Variants in ACTG2 observed in about 807,000 individuals in gnomAD.
ACTG2 encodes actin gamma 2, smooth muscle, also known as actin, gamma-enteric smooth muscle.
In ACTG2, 16 loss-of-function variants were observed where a neutral mutation model predicts 37.6. The observed-to-expected ratio is 0.43, with a 90% CI of 0.29 to 0.65. ACTG2 has a LOEUF of 0.65. Among genes scored for constraint, ACTG2 ranks in the 30% least tolerant of loss-of-function variants. The probability of loss-of-function intolerance (pLI) is 0.18; values close to 1 mark genes in which losing one functional copy is unlikely to be tolerated. For synonymous variants in ACTG2, 181 were observed against 179.9 expected (o/e 1.01, Z -0.05); for missense variants, 238 against 490.9 (o/e 0.48, Z 4.87).
At chr2:73,906,464 A>AT (rs201172871) in intron 3 of ACTG2, among the ~76,000 whole-genome samples, 7,385 of 149,262 alleles carry the variant, frequency 0.049, 531 homozygotes, top group African/African-American at 0.16. Context: ...ATAAAAAATA[A>AT]AAAATAAATA....
chr2:73,902,726 T>C, intron 3 of ACTG2: 1 of 1,551,236 alleles, frequency 6.4e-7, no homozygotes, highest in Non-Finnish European at 8.7e-7. Context: ...TTCACCGAAT[T>C]AATTCTCTAC....
intron 8 of ACTG2, among the ~76,000 whole-genome samples, chr2:73,917,113 G>A (rs892280732): frequency 1.3e-5 from 2 of 152,016 alleles, no homozygotes; most frequent in Admixed American, 6.6e-5. Flanking sequence ...GGAGTTGAAG[G>A]CCACAATGAG....
At chr2:73,905,972 AAAT>A (rs1198769080) in intron 3 of ACTG2, among the ~76,000 whole-genome samples, 1 of 151,600 alleles carries the variant, frequency 6.6e-6, no homozygotes, top group East Asian at 1.9e-4. Context: ...ATGAAAAGTA[AAAT>A]AATTTGTTAT....
At chr2:73,897,165 G>C (rs998772096) in intron 1 of ACTG2, 1 of 152,270 alleles carries the variant, frequency 6.6e-6, no homozygotes, top group Non-Finnish European at 1.5e-5. Flanking sequence ...GTTGTTGACA[G>C]CTTCAAGTCG....
chr2:73,915,450 A>T (rs1680243723), intron 7 of ACTG2, among the ~76,000 whole-genome samples: 2 of 150,616 alleles, frequency 1.3e-5, no homozygotes, highest in South Asian at 4.2e-4. Flanking sequence ...AGCCGCAGAG[A>T]TCAAGGCTGC....
At chr2:73,896,404 C>T (rs1309990591) in intron 1 of ACTG2, among the ~76,000 whole-genome samples, 1 of 151,714 alleles carries the variant, frequency 6.6e-6, no homozygotes, top group African/African-American at 2.4e-5. Flanking sequence ...CAGAAACAGG[C>T]CGGAATTTGC....
Position 73,914,818 on chromosome 2 carries a change from T to C in ACTG2, c.752T>C (p.Ile251Thr), listed in dbSNP as rs201286699. 73 of 1,608,594 alleles carry C rather than the reference T, an allele frequency of 4.5e-5. No individual in the cohort carries two copies. The highest frequency in any genetic ancestry group is 5.9e-5 in the Non-Finnish European group (69 of 1,176,310). Residue 251 changes from isoleucine (I) to threonine (T), a missense_variant, in exon 7 of 9, where the codon ATT (isoleucine) becomes ACT (threonine). Ile to Thr is a moderately conservative substitution (Grantham distance 89, BLOSUM62 -1). Coordinates refer to ENST00000345517, the MANE Select transcript of ACTG2 (RefSeq NM_001615.4). ...CTGCCAGATGGGCAGGTTATCACCATTGGCAATGAGCGCTTCCGCTGCCCT... is the reference window on the plus strand; with the variant it reads ...CTGCCAGATGGGCAGGTTATCACCACTGGCAATGAGCGCTTCCGCTGCCCT... ...YELPDGQVIT[I>T]GNERFRCPET...
At position 73,914,849 on chromosome 2, in the gene ACTG2, C is replaced by G. The variant is rs764306389; in HGVS notation, c.783C>G (p.Thr261=). 5 of 1,589,446 alleles carry G rather than the reference C, an allele frequency of 3.1e-6. No individual in the cohort carries two copies. In the East Asian group the frequency reaches 1.1e-4, roughly 36 times the overall value. The change falls in exon 7 of 9, where the codon ACC becomes ACG. Residue 261 remains threonine (T), a synonymous_variant. Transcript: ENST00000345517. The part of the protein sequence containing the change: ...IGNERFRCPE[T]LFQPSFIGME... The stretch of plus-strand genomic sequence containing the variant: ...ATGAGCGCTTCCGCTGCCCTGAGAC[C>G]CTCTTCCAGCCTTCCTTTATTGGTG...
At chr2:73,894,484 C>T (rs186362265) in intron 1 of ACTG2, among the ~76,000 whole-genome samples, 1 of 152,290 alleles carries the variant, frequency 6.6e-6, no homozygotes, top group African/African-American at 2.4e-5. Flanking sequence ...TTCCTCTTTC[C>T]CCTTGTTCAT....
intron 1 of ACTG2, among the ~76,000 whole-genome samples, chr2:73,894,492 C>T (rs558890505): frequency 2.0e-5 from 3 of 152,332 alleles, no homozygotes; most frequent in East Asian, 3.9e-4. Context: ...TCCCCTTGTT[C>T]ATTCTGCCAA....
intron 5 of ACTG2, among the ~76,000 whole-genome samples, chr2:73,912,672 C>G (rs773479659): frequency 1.3e-5 from 2 of 152,304 alleles, no homozygotes; most frequent in South Asian, 4.1e-4. Flanking sequence ...AACCATCTAA[C>G]TAGGTCTAAT....
At chr2:73,894,622 A>T (rs1273552564) in intron 1 of ACTG2, among the ~76,000 whole-genome samples, 1 of 152,206 alleles carries the variant, frequency 6.6e-6, no homozygotes, top group East Asian at 1.9e-4. Context: ...GCAAATAAGT[A>T]CACGAAAGGG....
intron 6 of ACTG2, among the ~76,000 whole-genome samples, chr2:73,914,231 G>A (rs143608674): frequency 1.1e-4 from 16 of 152,184 alleles, no homozygotes; most frequent in African/African-American, 3.1e-4. Context: ...GACCCTCTTC[G>A]CGGCAAGTCT....
At chr2:73,914,943 G>A (rs1680227320) in intron 7 of ACTG2, 72 bp downstream of exon 7, 2 of 1,306,064 alleles carry the variant, frequency 1.5e-6, no homozygotes, top group African/African-American at 3.0e-5. Context: ...TATGGAGAGA[G>A]AAACACCAGG....
chr2:73,907,637 A>G (rs1258497127), intron 3 of ACTG2, among the ~76,000 whole-genome samples: 1 of 152,126 alleles, frequency 6.6e-6, no homozygotes, highest in Non-Finnish European at 1.5e-5. Context: ...AGGCGCTACC[A>G]TGCCTGGCTA....
intron 5 of ACTG2, among the ~76,000 whole-genome samples, chr2:73,910,496 CTTTT>C (rs1207318059): frequency 5.0e-5 from 4 of 80,590 alleles, no homozygotes; most frequent in Non-Finnish European, 5.0e-5. Flanking sequence ...CCTCCCATGA[CTTTT>C]TTTTTTTTTT....
chr2:73,910,304 A>G (rs1355609109), intron 5 of ACTG2, among the ~76,000 whole-genome samples: 27 of 149,322 alleles, frequency 1.8e-4, no homozygotes, highest in Non-Finnish European at 4.4e-5. Context: ...AAACTTTTTA[A>G]TTTTTAAAGC....
intron 6 of ACTG2, among the ~76,000 whole-genome samples, chr2:73,914,019 C>T (rs6748402): frequency 0.055 from 8,435 of 152,098 alleles, 788 homozygotes; most frequent in African/African-American, 0.19. Flanking sequence ...CCTGGGCAAT[C>T]GGCATTTTTT....
At chr2:73,896,010 AT>A (rs946935478) in intron 1 of ACTG2, among the ~76,000 whole-genome samples, 10 of 152,010 alleles carry the variant, frequency 6.6e-5, no homozygotes. Flanking sequence ...GTCATGAAAT[AT>A]TTTTCTTCTT....
Sources: allele counts gnomAD v4.1 joint callset (sites outside exome capture counted in the v4.1 genomes callset), GRCh38; gene constraint gnomAD v4.1.1; transcripts MANE v1.5; gene names NCBI Gene and HGNC (gene_info 2026-07-23, HGNC 2026-07-21).